The following WDR49 variants were observed in gnomAD, a reference collection of about 807,000 sequenced individuals.
WDR49 encodes cilia- and flagella-associated protein 337.
A neutral mutation model predicts 119.5 loss-of-function variants in WDR49; 107 were observed. That is an observed-to-expected ratio of 0.90 (90% CI 0.77 to 1.05). WDR49 has a LOEUF of 1.05. Ranked by LOEUF, WDR49 falls within the 50% of genes least tolerant of loss-of-function variation. WDR49 has a pLI of 0.00. For missense variants in WDR49, 1,240 were observed against 1,220.5 expected (o/e 1.02, Z -0.24); for synonymous variants, 425 against 418.8 (o/e 1.01, Z -0.18).
chr3:167,543,024 T>C (rs915538957), intron 10 of WDR49, among the ~76,000 whole-genome samples: 1 of 151,856 alleles, frequency 6.6e-6, no homozygotes, highest in African/African-American at 2.4e-5. Flanking sequence ...CCTTTATGCA[T>C]ACAAACTGGA....
At chr3:167,577,298 AGAATTAACAGGCTACTGAG>A (rs1714298785) in intron 7 of WDR49, among the ~76,000 whole-genome samples, 1 of 152,182 alleles carries the variant, frequency 6.6e-6, no homozygotes, top group Non-Finnish European at 1.5e-5. Context: ...GTAGTGGTAC[AGAATTAACAGGCTACTGAG>A]GGAGTGAAAA....
chr3:167,652,376 T>C (rs958897204), intron 2 of WDR49, among the ~76,000 whole-genome samples: 52 of 152,298 alleles, frequency 3.4e-4, no homozygotes, highest in Non-Finnish European at 5.3e-4. Context: ...CAGGTGGTAT[T>C]CCAAAATATT....
At chr3:167,583,365 G>A (rs1055223805) in intron 7 of WDR49, among the ~76,000 whole-genome samples, 6 of 151,808 alleles carry the variant, frequency 4.0e-5, no homozygotes, top group African/African-American at 1.5e-4. Context: ...TTTTTGTAAG[G>A]GGTCTTCCTG....
chr3:167,602,213 C>T lies in WDR49; in HGVS notation c.1189G>A (p.Gly397Ser), dbSNP rs779804759. ...WNPYVVSKPV[G>S]VLWGHSASVI... ...CTGGCTGAGTGGCCCCAAAGGACAC[C>T]CACTGGTTTAGAGACAACATAGGGA... Residue 397 changes from glycine (G) to serine (S), a missense_variant, in exon 7 of 19, where the codon GGT becomes AGT. By Grantham distance (56) the Gly-to-Ser change is moderately conservative. Coordinates refer to ENST00000682715, the MANE Select transcript of WDR49 (RefSeq NM_001366157.1). The T allele has an allele frequency of 6.2e-7, 1 of 1,605,604 alleles. No homozygotes were observed. Among genetic ancestry groups the T allele is most frequent in the African/African-American group, 1.3e-5 (1 of 74,796 alleles).
chr3:167,543,608 C>G (rs1711975827), intron 10 of WDR49, among the ~76,000 whole-genome samples: 1 of 151,708 alleles, frequency 6.6e-6, no homozygotes, highest in Admixed American at 6.6e-5. Context: ...TGATTAAAAC[C>G]CTCAGCAAAA....
intron 11 of WDR49, among the ~76,000 whole-genome samples, chr3:167,536,142 G>A (rs1753013447): frequency 6.6e-6 from 1 of 151,998 alleles, no homozygotes; most frequent in Admixed American, 6.6e-5. Context: ...GGAGGAATGA[G>A]TTTTGGTGTT....
At position 167,510,361 on chromosome 3, in the gene WDR49, G is replaced by A. The variant is rs371625983; in HGVS notation, c.2775-4945C>T. 5.9e-5 allele frequency among the ~76,000 whole-genome samples: 9 copies of A among 152,202 alleles called. No individual in the cohort carries two copies. In the East Asian group the frequency reaches 1.5e-3, roughly 26 times the overall value. On this transcript the variant is annotated intron_variant, in intron 16 of 18. Transcript: ENST00000682715. ...TTTCCTAGGTTAGATAATTTTACAT[G>A]AGTCCAAAAAACAAATATTCCTATA... is the stretch of plus-strand genomic sequence containing the variant.
chr3:167,649,819 A>G (rs1718287039), intron 2 of WDR49, among the ~76,000 whole-genome samples: 1 of 152,202 alleles, frequency 6.6e-6, no homozygotes, highest in Non-Finnish European at 1.5e-5. Flanking sequence ...AAGATTTAGT[A>G]GGGCTTGGGC....
intron 17 of WDR49, among the ~76,000 whole-genome samples, chr3:167,502,603 A>C (rs1319879279): frequency 6.6e-6 from 1 of 152,190 alleles, no homozygotes; most frequent in Non-Finnish European, 1.5e-5. Flanking sequence ...CTTACTGGGA[A>C]CTGGAGCAAA....
chr3:167,636,198 G>A (rs1001655249), intron 2 of WDR49, among the ~76,000 whole-genome samples: 1 of 151,600 alleles, frequency 6.6e-6, no homozygotes, highest in African/African-American at 2.4e-5. Flanking sequence ...TTCCACTTAT[G>A]AGTGAGAAAT....
chr3:167,566,937 G>A (rs1261532578), intron 8 of WDR49: 3 of 637,276 alleles, frequency 4.7e-6, no homozygotes, highest in Admixed American at 4.6e-5. Context: ...CTGTCTCGGG[G>A]TGACAGAGAC....
At chr3:167,620,343 G>A (rs1350345409) in intron 5 of WDR49, 86 bp downstream of exon 5, 14 of 1,356,586 alleles carry the variant, frequency 1.0e-5, no homozygotes, top group African/African-American at 1.5e-5. Context: ...AGACTTAAAG[G>A]TTTTGTGTGA....
At chr3:167,629,658 T>C (rs1230618005) in intron 2 of WDR49, among the ~76,000 whole-genome samples, 2 of 152,262 alleles carry the variant, frequency 1.3e-5, no homozygotes, top group East Asian at 1.9e-4. Context: ...TAGAATGGCA[T>C]CATTTTAGAT....
intron 16 of WDR49, among the ~76,000 whole-genome samples, chr3:167,510,513 T>TC (rs1334943758): frequency 1.3e-5 from 2 of 152,144 alleles, no homozygotes; most frequent in Non-Finnish European, 2.9e-5. Context: ...TAAATCTATT[T>TC]CTCCATATCA....
intron 5 of WDR49, among the ~76,000 whole-genome samples, chr3:167,610,453 C>G (rs1716287616): frequency 6.6e-6 from 1 of 152,144 alleles, no homozygotes; most frequent in Non-Finnish European, 1.5e-5. Context: ...GGCTTCTCTG[C>G]CTTTGGAAAA....
chr3:167,485,530 A>T (rs1462678423), intron 18 of WDR49, among the ~76,000 whole-genome samples: 1 of 152,062 alleles, frequency 6.6e-6, no homozygotes, highest in Admixed American at 6.6e-5. Flanking sequence ...CAATAAAATG[A>T]TCCAAGAGCT....
chr3:167,613,573 A>G (rs1269096054), intron 5 of WDR49, among the ~76,000 whole-genome samples: 1 of 152,192 alleles, frequency 6.6e-6, no homozygotes, highest in Non-Finnish European at 1.5e-5. Flanking sequence ...TTCTCTGCCA[A>G]CTTAGTCCCT....
At chr3:167,539,606 T>C (rs1447782586) in intron 10 of WDR49, among the ~76,000 whole-genome samples, 1 of 152,174 alleles carries the variant, frequency 6.6e-6, no homozygotes, top group South Asian at 2.1e-4. Flanking sequence ...TCTTAATCTG[T>C]AACCGTACAG....
chr3:167,489,372 TC>T (rs1316027508), intron 18 of WDR49, among the ~76,000 whole-genome samples: 1 of 152,100 alleles, frequency 6.6e-6, no homozygotes, highest in Non-Finnish European at 1.5e-5. Flanking sequence ...AGGGTGATTC[TC>T]CATGTCACAT....
Sources: gnomAD v4.1 joint callset for allele counts (sites outside exome capture counted in the v4.1 genomes callset) on GRCh38, gnomAD v4.1.1 for gene constraint, MANE v1.5 for transcripts, NCBI Gene and HGNC (gene_info 2026-07-23, HGNC 2026-07-21) for gene names.